Variants in GTF2F2 observed in about 807,000 individuals in gnomAD.
The protein encoded by GTF2F2 is general transcription factor IIF subunit 2.
In GTF2F2, 23 loss-of-function variants were observed where a neutral mutation model predicts 42.2. That is an observed-to-expected ratio of 0.55 (90% CI 0.39 to 0.77). The LOEUF (loss-of-function observed/expected upper bound fraction) is 0.77. GTF2F2 is among the 30% of genes least tolerant of loss of function. The pLI is 0.00. For missense variants in GTF2F2, 261 were observed against 287.2 expected (o/e 0.91, Z 0.66); for synonymous variants, 105 against 100.8 (o/e 1.04, Z -0.25).
chr13:45,253,877 C>G (rs1566152174), intron 6 of GTF2F2, among the ~76,000 whole-genome samples: 1 of 152,072 alleles, frequency 6.6e-6, no homozygotes, highest in African/African-American at 2.4e-5. Flanking sequence ...AGATCGAGAC[C>G]ATCCTGGCTA....
intron 5 of GTF2F2, among the ~76,000 whole-genome samples, chr13:45,249,840 C>G (rs1177788266): frequency 6.6e-6 from 1 of 152,128 alleles, no homozygotes; most frequent in African/African-American, 2.4e-5. Flanking sequence ...GATTAGGACA[C>G]AGGTGTGTTC....
intron 5 of GTF2F2, among the ~76,000 whole-genome samples, chr13:45,236,106 G>T (rs963629765): frequency 1.2e-4 from 18 of 152,146 alleles, no homozygotes; most frequent in Admixed American, 1.3e-4. Flanking sequence ...TAATCAAAAT[G>T]TATATGATGT....
intron 1 of GTF2F2, among the ~76,000 whole-genome samples, chr13:45,134,496 G>A (rs1312804931): frequency 6.6e-6 from 1 of 152,120 alleles, no homozygotes; most frequent in Non-Finnish European, 1.5e-5. Context: ...CCACCTTAAA[G>A]CTACCTCTGG....
At chr13:45,137,120 C>T (rs1374513104) in intron 2 of GTF2F2, among the ~76,000 whole-genome samples, 1 of 152,178 alleles carries the variant, frequency 6.6e-6, no homozygotes, top group Non-Finnish European at 1.5e-5. Context: ...CCTCCTTGAG[C>T]AGGTTTGCTT....
chr13:45,144,426 T>A (rs1157529995), intron 2 of GTF2F2, among the ~76,000 whole-genome samples: 1 of 151,680 alleles, frequency 6.6e-6, no homozygotes, highest in East Asian at 1.9e-4. Context: ...TCCCCGAGAT[T>A]TTTATTTCTA....
At chr13:45,211,242 CA>C (rs1180272149) in intron 5 of GTF2F2, among the ~76,000 whole-genome samples, 11 of 152,020 alleles carry the variant, frequency 7.2e-5, no homozygotes, top group African/African-American at 2.7e-4. Context: ...AGACTCGAAG[CA>C]GAAAATACAT....
chr13:45,150,364 A>G (rs191200444), intron 3 of GTF2F2, among the ~76,000 whole-genome samples: 8 of 152,284 alleles, frequency 5.3e-5, no homozygotes, highest in Admixed American at 5.2e-4. Flanking sequence ...GTTGAGTTGT[A>G]TTTGTTAAAA....
intron 2 of GTF2F2, among the ~76,000 whole-genome samples, chr13:45,146,864 C>T (rs894761358): frequency 5.3e-5 from 8 of 152,136 alleles, no homozygotes; most frequent in African/African-American, 1.9e-4. Context: ...TAAAATTTTG[C>T]ACACAGGTCA....
intron 7 of GTF2F2, among the ~76,000 whole-genome samples, chr13:45,275,499 G>A (rs751919590): frequency 4.7e-4 from 61 of 129,228 alleles, no homozygotes; most frequent in Non-Finnish European, 6.0e-4. Flanking sequence ...TCCCCTTCCT[G>A]TGTCCAAGGG....
intron 4 of GTF2F2, among the ~76,000 whole-genome samples, chr13:45,167,025 C>T (rs1017608325): frequency 2.0e-5 from 3 of 151,460 alleles, no homozygotes; most frequent in South Asian, 2.1e-4. Flanking sequence ...TGCCCAGAAG[C>T]GAAACTCTGG....
At chr13:45,274,101 C>T (rs760279067) in intron 7 of GTF2F2, among the ~76,000 whole-genome samples, 5 of 152,166 alleles carry the variant, frequency 3.3e-5, no homozygotes, top group South Asian at 4.2e-4. Flanking sequence ...TTCTTCACTT[C>T]GGTATTGCAG....
intron 4 of GTF2F2, among the ~76,000 whole-genome samples, chr13:45,160,685 T>C (rs1237297117): frequency 6.6e-6 from 1 of 152,170 alleles, no homozygotes. Context: ...GTTAAGTTTA[T>C]GGTGATAGGT....
intron 7 of GTF2F2, among the ~76,000 whole-genome samples, chr13:45,271,028 C>G (rs954854423): frequency 6.6e-6 from 1 of 152,206 alleles, no homozygotes; most frequent in African/African-American, 2.4e-5. Flanking sequence ...CGCGGTGGCT[C>G]ATGCCTGTAA....
chr13:45,170,407 A>T (rs1390441643), intron 4 of GTF2F2, among the ~76,000 whole-genome samples: 4 of 152,126 alleles, frequency 2.6e-5, no homozygotes, highest in African/African-American at 9.7e-5. Context: ...ATCTTTTAAA[A>T]TTTTTTTCTG....
chr13:45,122,200 T>C (rs1011598148), intron 1 of GTF2F2, among the ~76,000 whole-genome samples: 2 of 152,200 alleles, frequency 1.3e-5, no homozygotes, highest in Non-Finnish European at 2.9e-5. Context: ...ATTCTAACTT[T>C]AGTTTACAAG....
chr13:45,188,989 G>A (rs990422582), intron 4 of GTF2F2, among the ~76,000 whole-genome samples: 1 of 151,588 alleles, frequency 6.6e-6, no homozygotes, highest in Non-Finnish European at 1.5e-5. Context: ...GTGCCATGTT[G>A]GTTTGCTACA....
At chr13:45,281,711 C>T (rs563555336) in intron 7 of GTF2F2, among the ~76,000 whole-genome samples, 3 of 152,338 alleles carry the variant, frequency 2.0e-5, no homozygotes, top group South Asian at 2.1e-4. Context: ...GAGAAAAGCA[C>T]TACCTTAAAT....
intron 6 of GTF2F2, among the ~76,000 whole-genome samples, chr13:45,254,603 A>T (rs1179447845): frequency 6.6e-6 from 1 of 152,212 alleles, no homozygotes; most frequent in South Asian, 2.1e-4. Flanking sequence ...TGGTGCAGCC[A>T]GTAATTTATC....
At chr13:45,209,708 A>G (rs747707436) in intron 5 of GTF2F2, among the ~76,000 whole-genome samples, 15 of 152,176 alleles carry the variant, frequency 9.9e-5, no homozygotes, top group South Asian at 4.1e-4. Flanking sequence ...AAACATACAT[A>G]CAAAAGCCGG....
Sources: allele counts gnomAD v4.1 joint callset (sites outside exome capture counted in the v4.1 genomes callset), GRCh38; gene constraint gnomAD v4.1.1; transcripts MANE v1.5; gene names NCBI Gene and HGNC (gene_info 2026-07-23, HGNC 2026-07-21).